NUDT3: variants seen among roughly 807,000 people sequenced by gnomAD.
The protein encoded by NUDT3 is diphosphoinositol polyphosphate phosphohydrolase 1.
Under a neutral mutation model 23.6 loss-of-function variants are expected in NUDT3, and 9 were observed. That is an observed-to-expected ratio of 0.38 (90% CI 0.23 to 0.66). The LOEUF is 0.66. NUDT3 is among the 30% of genes least tolerant of loss of function. NUDT3 has a pLI of 0.52. For synonymous variants in NUDT3, 86 were observed against 82.6 expected, an observed-to-expected ratio of 1.04 and a Z score of -0.22; for missense variants, 172 against 218.5, an observed-to-expected ratio of 0.79 and a Z score of 1.34.
intron 1 of NUDT3, among the ~76,000 whole-genome samples, chr6:34,357,536 C>T (rs942023426): frequency 1.3e-5 from 2 of 151,720 alleles, no homozygotes; most frequent in Admixed American, 1.3e-4. Flanking sequence ...AGCGCCTGAG[C>T]CTGGGAGGCT....
At chr6:34,313,224 G>C (rs912799511) in intron 2 of NUDT3, among the ~76,000 whole-genome samples, 2 of 152,078 alleles carry the variant, frequency 1.3e-5, no homozygotes, top group African/African-American at 4.8e-5. Context: ...AATCTTAAAT[G>C]CGTATTACTA....
chr6:34,370,146 A>C (rs922191871), intron 1 of NUDT3, among the ~76,000 whole-genome samples: 1 of 152,256 alleles, frequency 6.6e-6, no homozygotes, highest in African/African-American at 2.4e-5. Flanking sequence ...GACCATTTGC[A>C]CCTGCCCTAA....
chr6:34,351,338 G>C lies in NUDT3; in HGVS notation c.100-9366C>G, dbSNP rs543993503. Among the ~76,000 whole-genome samples, 10 of 148,384 alleles carry C rather than the reference G, an allele frequency of 6.7e-5. No individual in the cohort carries two copies. The East Asian group carries it at 1.9e-3, about 29-fold the overall frequency. On this transcript the variant is annotated intron_variant, in intron 1 of 4. Coordinates refer to ENST00000607016, the MANE Select transcript of NUDT3 (RefSeq NM_006703.4). ...AAAAAATTAGCCAGACCTAGTGGCT[G>C]GCTGAGGCAGGAGGATCATCTGAGC...
chr6:34,361,207 G>GT (rs1764646005), intron 1 of NUDT3, among the ~76,000 whole-genome samples: 1 of 152,194 alleles, frequency 6.6e-6, no homozygotes, highest in South Asian at 2.1e-4. Context: ...GGGTGACAGA[G>GT]TGAGACCCTG....
intron 2 of NUDT3, among the ~76,000 whole-genome samples, chr6:34,305,652 T>C (rs997117918): frequency 2.6e-5 from 4 of 152,216 alleles, no homozygotes; most frequent in African/African-American, 9.6e-5. Context: ...TCCATTTAAC[T>C]TTCTAATATA....
chr6:34,378,490 C>T (rs1764962544), intron 1 of NUDT3, among the ~76,000 whole-genome samples: 1 of 152,156 alleles, frequency 6.6e-6, no homozygotes, highest in African/African-American at 2.4e-5. Context: ...GCAACAAAGC[C>T]TGGCTGTCTG....
chr6:34,333,449 C>G (rs1310468055), intron 2 of NUDT3, among the ~76,000 whole-genome samples: 1 of 150,660 alleles, frequency 6.6e-6, no homozygotes, highest in Non-Finnish European at 1.5e-5. Flanking sequence ...AACTTGATAA[C>G]CTATGAACTA....
At position 34,367,978 on chromosome 6, in the gene NUDT3, G is replaced by A. The variant is rs150411175; in HGVS notation, c.99+24286C>T. Among the ~76,000 whole-genome samples, 1,401 of 152,262 alleles carry A rather than the reference G, an allele frequency of 9.2e-3. 16 individuals are homozygous for A. Among genetic ancestry groups the A allele is most frequent in the Middle Eastern group, 0.024 (7 of 294 alleles). On this transcript the variant is annotated intron_variant, in intron 1 of 4. Transcript: ENST00000607016. ...AGCACTTTGGGAGGCTGAGGCAGGC[G>A]GATCACGAGGTCAGGAGTTCGAGAC...
chr6:34,357,072 C>T (rs1224828092), intron 1 of NUDT3, among the ~76,000 whole-genome samples: 2 of 152,140 alleles, frequency 1.3e-5, no homozygotes, highest in Non-Finnish European at 2.9e-5. Flanking sequence ...CCACCACGCC[C>T]GGCCAAATTG....
At chr6:34,303,149 G>A (rs1238642234) in intron 2 of NUDT3, among the ~76,000 whole-genome samples, 3 of 150,350 alleles carry the variant, frequency 2.0e-5, no homozygotes, top group South Asian at 4.2e-4. Flanking sequence ...CTCCCTCCTC[G>A]GCCTCCTGAG....
At chr6:34,313,817 G>C (rs1212938083) in intron 2 of NUDT3, among the ~76,000 whole-genome samples, 1 of 151,976 alleles carries the variant, frequency 6.6e-6, no homozygotes. Flanking sequence ...AAAAAATTAG[G>C]CCAAGCGCGG....
Position 34,285,118 on chromosome 6 carries a change from A to G in NUDT3, c.*3635T>C, listed in dbSNP as rs1045092760. 1 of 152,222 alleles carries G rather than the reference A, an allele frequency of 6.6e-6. No individual in the cohort carries two copies. Among genetic ancestry groups the G allele is most frequent in the Non-Finnish European group, 1.5e-5 (1 of 68,048 alleles). The allele number at this position is 152,222 out of a possible 1,614,324, so 9.4% of individuals were successfully genotyped here. ...CTTCCAGATGGCTCAGCCTAGATCT[A>G]GCAGTGAGAGAGCCCTCTCCATGCA... is the stretch of plus-strand genomic sequence containing the variant. On this transcript the variant is annotated 3_prime_UTR_variant, in exon 5 of 5. Coordinates refer to ENST00000607016, the MANE Select transcript of NUDT3 (RefSeq NM_006703.4).
At chr6:34,323,299 A>C (rs1221167800) in intron 2 of NUDT3, among the ~76,000 whole-genome samples, 1 of 152,148 alleles carries the variant, frequency 6.6e-6, no homozygotes, top group Non-Finnish European at 1.5e-5. Flanking sequence ...CGGGCTGGGC[A>C]CAGTGGCCCA....
At chr6:34,389,071 T>C (rs1040738770) in intron 1 of NUDT3, among the ~76,000 whole-genome samples, 1 of 152,106 alleles carries the variant, frequency 6.6e-6, no homozygotes, top group African/African-American at 2.4e-5. Context: ...AGTTTGACAA[T>C]AGCCTGGGCA....
chr6:34,378,412 T>C (rs1476716732), intron 1 of NUDT3, among the ~76,000 whole-genome samples: 2 of 152,202 alleles, frequency 1.3e-5, no homozygotes, highest in Non-Finnish European at 2.9e-5. Context: ...TCTGGTGCAC[T>C]GGATTAGTTG....
At chr6:34,391,825 A>G (rs1765205930) in intron 1 of NUDT3, among the ~76,000 whole-genome samples, 1 of 149,954 alleles carries the variant, frequency 6.7e-6, no homozygotes, top group East Asian at 2.0e-4. Flanking sequence ...GAAGTGCACT[A>G]TTTCTCTGCC....
chr6:34,342,289 C>CA (rs200954440), intron 1 of NUDT3, among the ~76,000 whole-genome samples: 1,559 of 65,930 alleles, frequency 0.024, 34 homozygotes, highest in Admixed American at 0.039. Flanking sequence ...TAGAAGACTT[C>CA]AAAAAAAAAA....
At chr6:34,350,941 A>C (rs1764457077) in intron 1 of NUDT3, among the ~76,000 whole-genome samples, 1 of 150,450 alleles carries the variant, frequency 6.6e-6, no homozygotes, top group Non-Finnish European at 1.5e-5. Context: ...ACAATATGAA[A>C]AGGTTTCCAC....
chr6:34,380,443 C>T (rs1316080091), intron 1 of NUDT3, among the ~76,000 whole-genome samples: 1 of 152,080 alleles, frequency 6.6e-6, no homozygotes, highest in Non-Finnish European at 1.5e-5. Context: ...GCCTCAAACT[C>T]CTAGACTCAA....
Sources: allele counts gnomAD v4.1 joint callset (sites outside exome capture counted in the v4.1 genomes callset), GRCh38; gene constraint gnomAD v4.1.1; transcripts MANE v1.5; gene names NCBI Gene and HGNC (gene_info 2026-07-23, HGNC 2026-07-21).